Variants in SDK2 observed in about 807,000 individuals in gnomAD.
SDK2 encodes the protein protein sidekick-2.
In SDK2, 105 loss-of-function variants were observed where a neutral mutation model predicts 253.9. The ratio of observed to expected loss-of-function variants is 0.41; its 90% CI spans 0.35 to 0.49. The LOEUF is 0.49. SDK2 is among the 20% of genes least tolerant of loss of function. The probability of loss-of-function intolerance (pLI) is 0.06; values close to 1 mark genes in which losing one functional copy is unlikely to be tolerated. For missense variants in SDK2, 2,608 were observed against 3,003.0 expected (o/e 0.87, Z 3.07); for synonymous variants, 1,249 against 1,234.9 (o/e 1.01, Z -0.24).
chr17:73,592,425 G>A (rs1479272441), intron 1 of SDK2, among the ~76,000 whole-genome samples: 2 of 152,250 alleles, frequency 1.3e-5, no homozygotes, highest in Non-Finnish European at 2.9e-5. Context: ...GCCAAAGAGG[G>A]AGTGTGGGAG....
chr17:73,526,478 C>G (rs1159524214), intron 1 of SDK2, among the ~76,000 whole-genome samples: 2 of 152,172 alleles, frequency 1.3e-5, no homozygotes, highest in African/African-American at 4.8e-5. Context: ...AGACGTATCT[C>G]TCAGCTTGGC....
chr17:73,388,920 C>T (rs2062902242), intron 29 of SDK2, among the ~76,000 whole-genome samples: 2 of 65,598 alleles, frequency 3.0e-5, no homozygotes, highest in African/African-American at 6.3e-5. Context: ...CTCCCTTTTT[C>T]CCCCCTTCCC....
intron 1 of SDK2, among the ~76,000 whole-genome samples, chr17:73,589,147 T>C (rs184907668): frequency 6.6e-6 from 1 of 152,396 alleles, no homozygotes; most frequent in East Asian, 1.9e-4. Context: ...AGTCAGTGGC[T>C]ACTGTATGCT....
intron 1 of SDK2, among the ~76,000 whole-genome samples, chr17:73,624,132 A>C (rs922044522): frequency 3.0e-4 from 45 of 152,194 alleles, no homozygotes; most frequent in Non-Finnish European, 6.3e-4. Context: ...TGGGATTCAA[A>C]ATAGACCAGT....
At chr17:73,595,853 T>G (rs1599711668) in intron 1 of SDK2, among the ~76,000 whole-genome samples, 1 of 152,112 alleles carries the variant, frequency 6.6e-6, no homozygotes, top group East Asian at 1.9e-4. Context: ...CCAGGGGAGC[T>G]GGGAGGACAG....
At chr17:73,394,883 G>A (rs1244007387) in intron 25 of SDK2, among the ~76,000 whole-genome samples, 1 of 152,178 alleles carries the variant, frequency 6.6e-6, no homozygotes, top group Non-Finnish European at 1.5e-5. Flanking sequence ...AGAGTGGGCA[G>A]TATGAATGGT....
intron 40 of SDK2, among the ~76,000 whole-genome samples, chr17:73,355,613 T>A (rs2062585960): frequency 1.3e-5 from 2 of 152,196 alleles, no homozygotes; most frequent in African/African-American, 2.4e-5. Flanking sequence ...CCCAAAGTGC[T>A]GGGATTACAG....
At chr17:73,393,032 G>A (rs1446035769) in intron 27 of SDK2, among the ~76,000 whole-genome samples, 1 of 151,976 alleles carries the variant, frequency 6.6e-6, no homozygotes, top group Non-Finnish European at 1.5e-5. Context: ...ATTGCCTGAG[G>A]TCAGGAGTTC....
intron 12 of SDK2, among the ~76,000 whole-genome samples, chr17:73,424,677 T>C (rs2063265106): frequency 6.6e-6 from 1 of 152,342 alleles, no homozygotes; most frequent in African/African-American, 2.4e-5. Flanking sequence ...ACCATTATCA[T>C]TGTCATCAAC....
At chr17:73,400,230 G>C (rs571117584) in intron 21 of SDK2, among the ~76,000 whole-genome samples, 3 of 152,306 alleles carry the variant, frequency 2.0e-5, no homozygotes, top group South Asian at 4.1e-4. Flanking sequence ...ACTTGCTCAA[G>C]GTTGTAGGGC....
chr17:73,360,464 G>A (rs943771563), intron 39 of SDK2, among the ~76,000 whole-genome samples: 15 of 152,194 alleles, frequency 9.9e-5, no homozygotes, highest in Non-Finnish European at 1.5e-4. Context: ...GATTTTAGGG[G>A]AAGTCCAGGA....
intron 29 of SDK2, among the ~76,000 whole-genome samples, chr17:73,389,674 T>A (rs1328035866): frequency 6.6e-6 from 1 of 152,188 alleles, no homozygotes; most frequent in Non-Finnish European, 1.5e-5. Flanking sequence ...GCAGCCCTGA[T>A]CCTGCGCCCA....
chr17:73,451,016 T>C (rs2063486645), intron 4 of SDK2, among the ~76,000 whole-genome samples: 2 of 152,240 alleles, frequency 1.3e-5, no homozygotes, highest in Non-Finnish European at 2.9e-5. Flanking sequence ...AGACTTTGCA[T>C]CTCTGCTTGC....
intron 1 of SDK2, among the ~76,000 whole-genome samples, chr17:73,515,683 G>T (rs2064020463): frequency 6.6e-6 from 1 of 152,218 alleles, no homozygotes; most frequent in Admixed American, 6.5e-5. Context: ...GGGAAGAAGG[G>T]GCTAAGCTGG....
chr17:73,415,068 C>T (rs1191791504), intron 17 of SDK2, among the ~76,000 whole-genome samples: 2 of 151,622 alleles, frequency 1.3e-5, no homozygotes, highest in African/African-American at 4.8e-5. Context: ...ATCTACTTAA[C>T]ATGAAATTCA....
At chr17:73,456,166 T>A (rs1019730484) in intron 3 of SDK2, 113 bp from the exon 4 acceptor site, 12 of 1,211,132 alleles carry the variant, frequency 9.9e-6, no homozygotes, top group Non-Finnish European at 1.3e-5. Flanking sequence ...GCAGACAGGA[T>A]GACCACAGGG....
intron 1 of SDK2, among the ~76,000 whole-genome samples, chr17:73,523,992 T>G (rs942500074): frequency 6.6e-6 from 1 of 152,240 alleles, no homozygotes; most frequent in Non-Finnish European, 1.5e-5. Context: ...TCAGTGGACA[T>G]TGAGCAAGGG....
rs1454583607 is a variant in SDK2 at position 73,570,186 on chromosome 17, G to C, written c.65-62589C>G. Among the ~76,000 whole-genome samples, 3 of 152,158 alleles carry C rather than the reference G, an allele frequency of 2.0e-5. No homozygotes were observed. In the East Asian group the frequency reaches 5.8e-4, roughly 29 times the overall value. On this transcript the variant is annotated intron_variant, in intron 1 of 44. Coordinates refer to ENST00000392650, the MANE Select transcript of SDK2 (RefSeq NM_001144952.2). This position sits in a 1 kb window ranked among gnomAD's most constrained non-coding sequence, Gnocchi z 4.2. ...TGGACACAGGGCGACCACCCCAGGG[G>C]CCCAGCCTTGCTACCTCCCCTCCCT... is the stretch of plus-strand genomic sequence containing the variant.
chr17:73,422,469 C>A, intron 14 of SDK2, 35 bp from the exon 15 acceptor site: 1 of 1,604,510 alleles, frequency 6.2e-7, no homozygotes, highest in South Asian at 1.1e-5. Flanking sequence ...AAGTGGGTAT[C>A]TTGGGTGGGA....
Sources: allele counts gnomAD v4.1 joint callset (sites outside exome capture counted in the v4.1 genomes callset), GRCh38; gene constraint gnomAD v4.1.1; non-coding constraint Gnocchi (gnomAD v3.1); transcripts MANE v1.5; gene names NCBI Gene and HGNC (gene_info 2026-07-23, HGNC 2026-07-21).